The following FTO variants were observed in gnomAD, a reference collection of about 807,000 sequenced individuals.
The protein encoded by FTO is FTO alpha-ketoglutarate dependent dioxygenase.
Under a neutral mutation model 63.9 loss-of-function variants are expected in FTO, and 47 were observed. The ratio of observed to expected loss-of-function variants is 0.74; its 90% CI spans 0.58 to 0.94. The LOEUF (loss-of-function observed/expected upper bound fraction) is 0.94. Ranked by LOEUF, FTO falls within the 40% of genes least tolerant of loss-of-function variation. The probability of loss-of-function intolerance (pLI) is 0.00; values close to 1 mark genes in which losing one functional copy is unlikely to be tolerated. For missense variants in FTO, 562 were observed against 618.1 expected (o/e 0.91, Z 0.96); for synonymous variants, 207 against 224.4 (o/e 0.92, Z 0.69).
intron 1 of FTO, among the ~76,000 whole-genome samples, chr16:53,766,804 G>C (rs763077409): frequency 9.9e-5 from 15 of 152,120 alleles, no homozygotes; most frequent in Non-Finnish European, 1.8e-4. Flanking sequence ...TTAGGCCTCA[G>C]CTTCCCTGAA....
chr16:53,822,960 C>T (rs762856834), intron 2 of FTO, among the ~76,000 whole-genome samples: 13 of 152,254 alleles, frequency 8.5e-5, no homozygotes, highest in Middle Eastern at 3.4e-3. Flanking sequence ...TGTTCTCTAG[C>T]GTCTTCCATC....
At chr16:53,880,471 C>T (rs989174302) in intron 6 of FTO, among the ~76,000 whole-genome samples, 4 of 152,122 alleles carry the variant, frequency 2.6e-5, no homozygotes, top group African/African-American at 9.7e-5. Context: ...TGTGTTAGTT[C>T]ACGAACTTAT....
chr16:53,887,168 A>G (rs563198400), intron 6 of FTO, among the ~76,000 whole-genome samples: 9 of 152,338 alleles, frequency 5.9e-5, no homozygotes, highest in Admixed American at 5.9e-4. Flanking sequence ...TAGTTCGATC[A>G]AGGGTCAGTT....
intron 8 of FTO, among the ~76,000 whole-genome samples, chr16:54,005,110 C>T (rs1599185923): frequency 1.3e-5 from 2 of 148,546 alleles, no homozygotes; most frequent in Non-Finnish European, 3.0e-5. Context: ...CATTGGAGTA[C>T]CTTAGCATTA....
rs567042673 is a variant in FTO, at chr16:54,095,102, G to A, written c.1365-16660G>A. Among the ~76,000 whole-genome samples, 11 of 152,140 alleles carry A rather than the reference G, an allele frequency of 7.2e-5. No homozygotes were observed. In the East Asian group the frequency reaches 1.2e-3, roughly 16 times the overall value. On this transcript the variant is annotated intron_variant, in intron 8 of 8. Transcript: ENST00000471389. ...TCTTTTTTGGCAGAGACAGAGTCTC[G>A]CTATGTTACCAAAGGTGGTTTCAAA...
At position 54,086,375 on chromosome 16, in the gene FTO, C is replaced by A. The variant is rs141727866; in HGVS notation, c.1365-25387C>A. On this transcript the variant is annotated intron_variant, in intron 8 of 8. Transcript: ENST00000471389. ...GATCAAAAGAGTTAATAATTGGATC[C>A]TGCCCACAGCAACCACACAATTAAG... Among the ~76,000 whole-genome samples, 365 of 152,282 alleles carry A rather than the reference C, an allele frequency of 2.4e-3. 1 individual carries two copies. The highest frequency in any genetic ancestry group is 8.5e-3 in the African/African-American group (352 of 41,544).
At position 53,768,353 on chromosome 16, in the gene FTO, A is replaced by G. The variant is rs141542357; in HGVS notation, c.46-41787A>G. 2.9e-4 allele frequency among the ~76,000 whole-genome samples: 44 copies of G among 152,364 alleles called. No homozygotes were observed. In the East Asian group the frequency reaches 6.7e-3, roughly 23 times the overall value. ...CCTTTGCAGTTAAAAGAGATAATAAATGTTAACATTCCTAGTACAGTGCCT... is the reference window on the plus strand; with the variant it reads ...CCTTTGCAGTTAAAAGAGATAATAAGTGTTAACATTCCTAGTACAGTGCCT... On this transcript the variant is annotated intron_variant, in intron 1 of 8. Transcript: ENST00000471389.
At chr16:54,053,053 G>T (rs1200768998) in intron 8 of FTO, among the ~76,000 whole-genome samples, 1 of 152,192 alleles carries the variant, frequency 6.6e-6, no homozygotes, top group African/African-American at 2.4e-5. Context: ...GGCTGCTTCT[G>T]CTGTTGCCAT....
chr16:53,787,524 AT>A (rs1418684793), intron 1 of FTO, among the ~76,000 whole-genome samples: 4 of 152,070 alleles, frequency 2.6e-5, no homozygotes, highest in African/African-American at 9.7e-5. Context: ...GTCAACTAGA[AT>A]TTAAAAGCAA....
At chr16:53,710,514 C>T (rs561518934) in intron 1 of FTO, among the ~76,000 whole-genome samples, 1 of 152,134 alleles carries the variant, frequency 6.6e-6, no homozygotes, top group African/African-American at 2.4e-5. Context: ...TCACCTGCCT[C>T]GGCCTCCCAA....
intron 8 of FTO, among the ~76,000 whole-genome samples, chr16:54,022,137 A>C (rs886721854): frequency 3.3e-5 from 5 of 152,214 alleles, no homozygotes; most frequent in African/African-American, 4.8e-5. Context: ...AAAAAAACAA[A>C]AAAACAAAAA....
At chr16:53,839,750 A>G (rs1253805990) in intron 3 of FTO, among the ~76,000 whole-genome samples, 1 of 151,286 alleles carries the variant, frequency 6.6e-6, no homozygotes, top group Non-Finnish European at 1.5e-5. Flanking sequence ...ATTTTTTTCA[A>G]GTCATTATAA....
At chr16:53,947,729 C>T (rs768115673) in intron 8 of FTO, among the ~76,000 whole-genome samples, 23 of 152,242 alleles carry the variant, frequency 1.5e-4, no homozygotes, top group Non-Finnish European at 2.9e-4. Context: ...CTTTACATTT[C>T]AGCCCTCGGG....
At chr16:53,958,078 T>C (rs1706922752) in intron 8 of FTO, among the ~76,000 whole-genome samples, 1 of 152,230 alleles carries the variant, frequency 6.6e-6, no homozygotes, top group Admixed American at 6.5e-5. Context: ...TACTATTTGT[T>C]ATGGTCCTGG....
chr16:53,911,175 A>G (rs1192877911), intron 7 of FTO: 1 of 553,844 alleles, frequency 1.8e-6, no homozygotes, highest in Non-Finnish European at 3.2e-6. Context: ...ATGTTAACTC[A>G]GGCTTGAAAG....
chr16:54,107,269 G>A (rs2086777379), intron 8 of FTO, among the ~76,000 whole-genome samples: 2 of 151,994 alleles, frequency 1.3e-5, no homozygotes, highest in South Asian at 4.1e-4. Context: ...TTTTTCCTTA[G>A]GATAGGATTA....
At chr16:54,032,225 G>C (rs762847017) in intron 8 of FTO, among the ~76,000 whole-genome samples, 3 of 152,190 alleles carry the variant, frequency 2.0e-5, no homozygotes, top group Non-Finnish European at 4.4e-5. Context: ...ATCTGACAGA[G>C]CAGTTATAAT....
intron 3 of FTO, among the ~76,000 whole-genome samples, chr16:53,828,371 C>G (rs2079064650): frequency 6.6e-6 from 1 of 152,164 alleles, no homozygotes; most frequent in Admixed American, 6.5e-5. Flanking sequence ...AGGCGCCCGC[C>G]ACCACGCCCG....
chr16:53,705,079 T>G (rs1331740652), intron 1 of FTO, among the ~76,000 whole-genome samples: 1 of 152,092 alleles, frequency 6.6e-6, no homozygotes, highest in African/African-American at 2.4e-5. Flanking sequence ...TAATAGACTG[T>G]TGGAATAGCC....
Sources: allele counts gnomAD v4.1 joint callset (sites outside exome capture counted in the v4.1 genomes callset), GRCh38; gene constraint gnomAD v4.1.1; transcripts MANE v1.5; gene names NCBI Gene and HGNC (gene_info 2026-07-23, HGNC 2026-07-21).